Variants in EYS observed in about 807,000 individuals in gnomAD.
EYS encodes the protein protein eyes shut homolog.
EYS carries 250 observed loss-of-function variants against 282.1 expected under a neutral mutation model. The observed-to-expected ratio is 0.89, with a 90% CI of 0.80 to 0.98. The LOEUF is 0.98. EYS is among the 50% of genes least tolerant of loss of function. The probability of loss-of-function intolerance (pLI) is 0.00; values close to 1 mark genes in which losing one functional copy is unlikely to be tolerated. For synonymous variants in EYS, 1,355 were observed against 1,282.9 expected (o/e 1.06, Z -1.20); for missense variants, 4,016 against 3,709.0 (o/e 1.08, Z -2.15).
At chr6:65,260,100 G>A (rs182484276) in intron 12 of EYS, among the ~76,000 whole-genome samples, 15 of 152,162 alleles carry the variant, frequency 9.9e-5, no homozygotes, top group Non-Finnish European at 8.8e-5. Flanking sequence ...GGTGGAAGGC[G>A]AAGGGGAAGC....
chr6:64,296,517 C>T (rs1768993695), intron 30 of EYS, among the ~76,000 whole-genome samples: 1 of 141,578 alleles, frequency 7.1e-6, no homozygotes, highest in Non-Finnish European at 1.5e-5. Context: ...TATCTCCCCA[C>T]CTAGACAACA....
At chr6:65,111,039 A>G (rs1184809056) in intron 12 of EYS, among the ~76,000 whole-genome samples, 1 of 152,134 alleles carries the variant, frequency 6.6e-6, no homozygotes, top group Non-Finnish European at 1.5e-5. Flanking sequence ...GGCAGATGGA[A>G]TTGACTTGGC....
chr6:65,468,149 A>T lies in EYS; in HGVS notation c.862+22445T>A, dbSNP rs183217664. 7.9e-5 allele frequency among the ~76,000 whole-genome samples: 12 copies of T among 152,284 alleles called. No homozygotes were observed. In the East Asian group the frequency reaches 2.1e-3, roughly 27 times the overall value. The stretch of plus-strand genomic sequence containing the variant: ...TATGACACTTTATCCTTAAAGGGAA[A>T]GTAACAAAAAGCTGTTTCCAGAACC... On this transcript the variant is annotated intron_variant, in intron 5 of 42. Coordinates refer to ENST00000503581, the MANE Select transcript of EYS (RefSeq NM_001142800.2).
chr6:64,097,493 G>C (rs1472503379), intron 31 of EYS, among the ~76,000 whole-genome samples: 1 of 152,156 alleles, frequency 6.6e-6, no homozygotes, highest in Non-Finnish European at 1.5e-5. Flanking sequence ...CTTGCAGTTT[G>C]ATCTCAGACT....
intron 31 of EYS, among the ~76,000 whole-genome samples, chr6:64,140,525 T>C (rs997951390): frequency 2.0e-5 from 3 of 152,196 alleles, no homozygotes; most frequent in Non-Finnish European, 4.4e-5. Context: ...TATTACCTTC[T>C]GATGACCATC....
intron 14 of EYS, among the ~76,000 whole-genome samples, chr6:64,993,656 A>C (rs530183864): frequency 1.5e-4 from 22 of 151,404 alleles, no homozygotes; most frequent in Non-Finnish European, 1.8e-4. Context: ...CAGCACACCA[A>C]CATGGCACAT....
chr6:64,889,805 A>G (rs1583264278), intron 18 of EYS, among the ~76,000 whole-genome samples: 1 of 152,008 alleles, frequency 6.6e-6, no homozygotes, highest in East Asian at 1.9e-4. Flanking sequence ...CACAAATTGT[A>G]GAGCATGTGT....
In EYS at chr6:64,954,206, G is replaced by A. The variant is rs563444842; in HGVS notation, c.2260-8292C>T. 5.3e-5 allele frequency among the ~76,000 whole-genome samples: 8 copies of A among 150,464 alleles called. No homozygotes were observed. The East Asian group carries it at 7.8e-4, about 15-fold the overall frequency. On this transcript the variant is annotated intron_variant, in intron 14 of 42. Coordinates refer to ENST00000503581, the MANE Select transcript of EYS (RefSeq NM_001142800.2). The stretch of plus-strand genomic sequence containing the variant: ...TTTACTTATAATTTAGTTCTCTTAC[G>A]GCATGCCCTACCTTCATAAACCATT...
intron 19 of EYS, among the ~76,000 whole-genome samples, chr6:64,862,675 AATT>A (rs775885747): frequency 6.6e-6 from 1 of 151,178 alleles, no homozygotes; most frequent in Non-Finnish European, 1.5e-5. Context: ...GGTTTTTAAA[AATT>A]ATTATTATTT....
intron 22 of EYS, among the ~76,000 whole-genome samples, chr6:64,720,014 G>T (rs1771523477): frequency 6.6e-6 from 1 of 152,194 alleles, no homozygotes; most frequent in Non-Finnish European, 1.5e-5. Flanking sequence ...TAAAACACTA[G>T]TGTCTTGAAA....
At chr6:63,775,494 GTT>G (rs1158947705) in intron 40 of EYS, among the ~76,000 whole-genome samples, 1 of 152,126 alleles carries the variant, frequency 6.6e-6, no homozygotes, top group Non-Finnish European at 1.5e-5. Flanking sequence ...CATAAGGTGT[GTT>G]AGTTATTTTT....
chr6:65,467,125 C>T (rs375023689), intron 5 of EYS, among the ~76,000 whole-genome samples: 1 of 152,010 alleles, frequency 6.6e-6, no homozygotes, highest in African/African-American at 2.4e-5. Context: ...TTTTTAAAAC[C>T]ATTATGTATG....
chr6:65,530,563 T>G (rs187088703), intron 2 of EYS, among the ~76,000 whole-genome samples: 1 of 152,284 alleles, frequency 6.6e-6, no homozygotes, highest in Admixed American at 6.5e-5. Context: ...TTAAAAAAGC[T>G]TATAAAAACA....
intron 31 of EYS, among the ~76,000 whole-genome samples, chr6:64,093,270 G>GT (rs1250457657): frequency 1.3e-5 from 2 of 152,122 alleles, no homozygotes; most frequent in Admixed American, 6.5e-5. Flanking sequence ...CTTTAAAGTA[G>GT]TTTTTTCCAA....
chr6:64,716,307 G>A (rs1364370017), intron 22 of EYS, among the ~76,000 whole-genome samples: 3 of 152,154 alleles, frequency 2.0e-5, no homozygotes, highest in Non-Finnish European at 2.9e-5. Context: ...TTCCTGGCAC[G>A]TAATCATTCA....
intron 22 of EYS, among the ~76,000 whole-genome samples, chr6:64,759,210 G>A (rs1773081662): frequency 6.6e-6 from 1 of 152,144 alleles, no homozygotes; most frequent in Non-Finnish European, 1.5e-5. Context: ...GCTATCAAGA[G>A]ATACAGGATT....
At chr6:64,215,308 T>A (rs1297768822) in intron 31 of EYS, among the ~76,000 whole-genome samples, 3 of 151,576 alleles carry the variant, frequency 2.0e-5, no homozygotes, top group African/African-American at 7.2e-5. Context: ...CTGGGGAATT[T>A]TTAAAGTTTT....
At chr6:64,924,389 G>A (rs1426518541) in intron 15 of EYS, among the ~76,000 whole-genome samples, 2 of 152,186 alleles carry the variant, frequency 1.3e-5, no homozygotes, top group Non-Finnish European at 2.9e-5. Flanking sequence ...GGACTCCAGG[G>A]CTGTGATGGG....
chr6:64,158,541 C>T (rs1459902131), intron 31 of EYS, among the ~76,000 whole-genome samples: 1 of 152,178 alleles, frequency 6.6e-6, no homozygotes, highest in Non-Finnish European at 1.5e-5. Context: ...TTTCCCTTCT[C>T]ACTCTCTCCC....
Sources: gnomAD v4.1 joint callset for allele counts (sites outside exome capture counted in the v4.1 genomes callset) on GRCh38, gnomAD v4.1.1 for gene constraint, MANE v1.5 for transcripts, NCBI Gene and HGNC (gene_info 2026-07-23, HGNC 2026-07-21) for gene names.